The following SLC10A7 variants were observed in gnomAD, a reference collection of about 807,000 sequenced individuals.
SLC10A7 encodes sodium/bile acid cotransporter 7.
A neutral mutation model predicts 43.2 loss-of-function variants in SLC10A7; 29 were observed. The observed-to-expected ratio is 0.67, with a 90% CI of 0.50 to 0.92. The LOEUF is 0.92. Ranked by LOEUF, SLC10A7 falls within the 40% of genes least tolerant of loss-of-function variation. The probability of loss-of-function intolerance (pLI) is 0.00; values close to 1 mark genes in which losing one functional copy is unlikely to be tolerated. For synonymous variants in SLC10A7, 152 were observed against 144.8 expected (o/e 1.05, Z -0.35); for missense variants, 295 against 403.2 (o/e 0.73, Z 2.30).
At chr4:146,503,754 G>T in intron 4 of SLC10A7, 95 bp downstream of exon 4, 1 of 1,142,084 alleles carries the variant, frequency 8.8e-7, no homozygotes, top group Non-Finnish European at 1.3e-6. Context: ...GGAGTTTTCT[G>T]CAACATCAAC....
intron 1 of SLC10A7, among the ~76,000 whole-genome samples, chr4:146,518,753 T>C (rs1212580415): frequency 6.6e-6 from 1 of 151,670 alleles, no homozygotes; most frequent in Non-Finnish European, 1.5e-5. Flanking sequence ...ATGACAGAGG[T>C]GGAGGCTGGA....
chr4:146,301,599 A>G (rs1202600429), intron 7 of SLC10A7, among the ~76,000 whole-genome samples: 1 of 152,234 alleles, frequency 6.6e-6, no homozygotes, highest in Non-Finnish European at 1.5e-5. Context: ...GCAGTAATTT[A>G]GACAAGAGAT....
intron 5 of SLC10A7, among the ~76,000 whole-genome samples, chr4:146,379,935 T>TTCTCTC (rs5862757): frequency 1.5e-4 from 22 of 146,404 alleles, no homozygotes; most frequent in South Asian, 4.5e-4. Context: ...TGACAAATAA[T>TTCTCTC]TCTCTCTCTC....
chr4:146,351,729 T>G (rs1213821396), intron 5 of SLC10A7, among the ~76,000 whole-genome samples: 1 of 147,674 alleles, frequency 6.8e-6, no homozygotes, highest in Non-Finnish European at 1.5e-5. Flanking sequence ...GGGGCCAATA[T>G]TCAACATTCT....
At chr4:146,490,798 T>C (rs553756206) in intron 4 of SLC10A7, among the ~76,000 whole-genome samples, 1 of 152,234 alleles carries the variant, frequency 6.6e-6, no homozygotes, top group African/African-American at 2.4e-5. Context: ...AGTAAATACA[T>C]GAAAGAATCC....
chr4:146,268,899 A>G (rs2111038129), intron 10 of SLC10A7, among the ~76,000 whole-genome samples: 1 of 152,294 alleles, frequency 6.6e-6, no homozygotes, highest in African/African-American at 2.4e-5. Context: ...AATAAGATAG[A>G]ATAATGGATG....
At chr4:146,481,922 C>T (rs1367966499) in intron 4 of SLC10A7, among the ~76,000 whole-genome samples, 1 of 152,112 alleles carries the variant, frequency 6.6e-6, no homozygotes, top group Admixed American at 6.5e-5. Context: ...GTATGAAAAA[C>T]AAAAACAGAA....
intron 4 of SLC10A7, among the ~76,000 whole-genome samples, chr4:146,498,501 C>G (rs1181983018): frequency 6.6e-6 from 1 of 152,084 alleles, no homozygotes; most frequent in Non-Finnish European, 1.5e-5. Context: ...ACCAGCTGGA[C>G]CATGTCAAAG....
chr4:146,370,585 A>C (rs1295270110), intron 5 of SLC10A7, among the ~76,000 whole-genome samples: 1 of 152,132 alleles, frequency 6.6e-6, no homozygotes, highest in African/African-American at 2.4e-5. Context: ...TCCTACGCTA[A>C]ACTTCAGGGC....
At chr4:146,260,892 C>T (rs1052003969) in intron 10 of SLC10A7, among the ~76,000 whole-genome samples, 2 of 151,582 alleles carry the variant, frequency 1.3e-5, no homozygotes, top group East Asian at 1.9e-4. Context: ...CTCCCGTGCT[C>T]GCCACACCAG....
chr4:146,312,122 T>C (rs552547231), intron 6 of SLC10A7, among the ~76,000 whole-genome samples: 2 of 152,232 alleles, frequency 1.3e-5, no homozygotes, highest in African/African-American at 4.8e-5. Flanking sequence ...AAGTATATGT[T>C]TAGGAGAGGA....
At chr4:146,278,040 A>G (rs1040029473) in intron 10 of SLC10A7, among the ~76,000 whole-genome samples, 25 of 152,178 alleles carry the variant, frequency 1.6e-4, no homozygotes, top group Admixed American at 1.2e-3. Context: ...TCAAATATTT[A>G]TAATACTTGG....
intron 5 of SLC10A7, among the ~76,000 whole-genome samples, chr4:146,416,536 T>C (rs1728577798): frequency 6.6e-6 from 1 of 152,188 alleles, no homozygotes. Context: ...ACTTACATCC[T>C]GGTGATATCC....
At chr4:146,353,977 C>T (rs1388248363) in intron 5 of SLC10A7, among the ~76,000 whole-genome samples, 1 of 146,658 alleles carries the variant, frequency 6.8e-6, no homozygotes, top group Admixed American at 6.9e-5. Flanking sequence ...AAAACTGGCA[C>T]AAGACAGGGA....
intron 5 of SLC10A7, among the ~76,000 whole-genome samples, chr4:146,344,945 G>A (rs1250696465): frequency 7.2e-5 from 11 of 152,086 alleles, no homozygotes; most frequent in African/African-American, 1.4e-4. Flanking sequence ...CTCTCTGGTC[G>A]TCAGCAAATT....
chr4:146,499,660 C>G lies in SLC10A7; in HGVS notation c.396+4189G>C, dbSNP rs538126684. On this transcript the variant is annotated intron_variant, in intron 4 of 11. Transcript: ENST00000335472. ...ACTGGACTCTGCAAACTTCATTTCT[C>G]AAGTTTGATATTCAAGATTTATGAA... Among the ~76,000 whole-genome samples the G allele has an allele frequency of 1.0e-3, 158 of 152,234 alleles. 1 individual carries two copies. The highest frequency in any genetic ancestry group is 3.7e-3 in the African/African-American group (153 of 41,550).
At chr4:146,259,536 G>A (rs1458917611) in intron 10 of SLC10A7, among the ~76,000 whole-genome samples, 1 of 152,192 alleles carries the variant, frequency 6.6e-6, no homozygotes, top group Non-Finnish European at 1.5e-5. Flanking sequence ...GGGAGGTGGA[G>A]GTTGCAGTGA....
At chr4:146,267,085 C>T (rs945435950) in intron 10 of SLC10A7, among the ~76,000 whole-genome samples, 1 of 152,114 alleles carries the variant, frequency 6.6e-6, no homozygotes, top group African/African-American at 2.4e-5. Context: ...AGAGCAATTG[C>T]ACCCAATACC....
chr4:146,438,505 T>C (rs1159722594), intron 5 of SLC10A7, among the ~76,000 whole-genome samples: 1 of 152,030 alleles, frequency 6.6e-6, no homozygotes, highest in Non-Finnish European at 1.5e-5. Flanking sequence ...TATTAGTACA[T>C]CTATGTTGCC....
Sources: gnomAD v4.1 joint callset for allele counts (sites outside exome capture counted in the v4.1 genomes callset) on GRCh38, gnomAD v4.1.1 for gene constraint, MANE v1.5 for transcripts, NCBI Gene and HGNC (gene_info 2026-07-23, HGNC 2026-07-21) for gene names.